Variants in EPB41L4A observed in about 807,000 individuals in gnomAD.
The protein encoded by EPB41L4A is band 4.1-like protein 4A.
Under a neutral mutation model 108.6 loss-of-function variants are expected in EPB41L4A, and 100 were observed. The observed-to-expected ratio is 0.92, with a 90% confidence interval of 0.78 to 1.09. The LOEUF is 1.09. Ranked by LOEUF, EPB41L4A falls within the 50% of genes least tolerant of loss-of-function variation. The pLI, the probability that EPB41L4A is intolerant of heterozygous loss-of-function variation, is 0.00. For synonymous variants in EPB41L4A, 319 were observed against 289.0 expected (o/e 1.10, Z -1.05); for missense variants, 1,030 against 842.7 (o/e 1.22, Z -2.75).
chr5:112,257,244 G>C (rs964261574), intron 9 of EPB41L4A: 1 of 152,102 alleles, frequency 6.6e-6, no homozygotes, highest in African/African-American at 2.4e-5. Context: ...GAATACTTAG[G>C]AAACAGAATG....
intron 1 of EPB41L4A, among the ~76,000 whole-genome samples, chr5:112,340,433 C>T (rs1052906112): frequency 2.0e-5 from 3 of 152,168 alleles, no homozygotes; most frequent in East Asian, 3.8e-4. Flanking sequence ...TTTTGGGAAC[C>T]ACTGCTGTAG....
chr5:112,395,025 G>C (rs976352205), intron 1 of EPB41L4A, among the ~76,000 whole-genome samples: 18 of 152,308 alleles, frequency 1.2e-4, no homozygotes, highest in African/African-American at 2.9e-4. Flanking sequence ...ATGGTGCTGG[G>C]AAAACTGGCT....
At chr5:112,314,430 C>T (rs765348149) in intron 1 of EPB41L4A, among the ~76,000 whole-genome samples, 8 of 134,824 alleles carry the variant, frequency 5.9e-5, no homozygotes, top group South Asian at 2.4e-4. Context: ...CAATTTGGGA[C>T]GTCGAGGCGG....
chr5:112,143,783 A>G (rs1446930907), exon 14 of EPB41L4A: 2 of 433,756 alleles, frequency 4.6e-6, no homozygotes, highest in Admixed American at 5.0e-5. Context: ...TCACGTGTTA[A>G]TACCTGAACC....
In EPB41L4A at chr5:112,307,369, A is replaced by C; in HGVS notation, c.204+17T>G. On this transcript the variant is annotated intron_variant, in intron 2 of 22. Transcript: ENST00000261486. Reference sequence around the variant, plus strand: ...ATTTATAACCAGAAAAATTTAACACAAAGTCACCTTACTCACCGTCTGATG... The same window carrying C: ...ATTTATAACCAGAAAAATTTAACACCAAGTCACCTTACTCACCGTCTGATG... 2 of 1,551,952 alleles carry C rather than the reference A, an allele frequency of 1.3e-6. No homozygotes were observed. The highest frequency in any genetic ancestry group is 1.8e-6 in the Non-Finnish European group (2 of 1,125,560).
chr5:112,270,239 G>T (rs1267867649), intron 4 of EPB41L4A, among the ~76,000 whole-genome samples: 2 of 152,158 alleles, frequency 1.3e-5, no homozygotes, highest in African/African-American at 4.8e-5. Flanking sequence ...TTAAGACCCT[G>T]CTGAGAAAAC....
intron 12 of EPB41L4A, among the ~76,000 whole-genome samples, chr5:112,213,631 G>C (rs540439297): frequency 1.8e-4 from 27 of 152,292 alleles, no homozygotes; most frequent in Admixed American, 6.5e-4. Flanking sequence ...TGGGATAACA[G>C]GCATGAGCCA....
intron 12 of EPB41L4A, among the ~76,000 whole-genome samples, chr5:112,212,315 CAG>C (rs1747228690): frequency 2.0e-5 from 3 of 147,388 alleles, no homozygotes; most frequent in Non-Finnish European, 4.5e-5. Flanking sequence ...TCTCCTGAGA[CAG>C]AGTCTTGCTT....
At chr5:112,334,260 A>G (rs821731) in intron 1 of EPB41L4A, among the ~76,000 whole-genome samples, 2,842 of 152,244 alleles carry the variant, frequency 0.019, 95 homozygotes, top group African/African-American at 0.064. Context: ...AAATCAAAGT[A>G]TTTTACCCCA....
rs543523025 is a variant in EPB41L4A, at chr5:112,147,590, A to T, written n.995-1592T>A. ...GAGGCAAAGGCTGCAGTAAGCCAAG[A>T]CTGCACCACTGCACTCCAGCCTGGG... On this transcript the variant is annotated intron_variant and non_coding_transcript_variant, in intron 12 of 13. Transcript: ENST00000507810. Among the ~76,000 whole-genome samples the T allele has an allele frequency of 3.3e-5, 5 of 151,646 alleles. No individual in the cohort carries two copies. In the East Asian group the frequency reaches 9.7e-4, roughly 29 times the overall value.
At chr5:112,228,414 C>T (rs991941420) in intron 12 of EPB41L4A, 1 of 152,248 alleles carries the variant, frequency 6.6e-6, no homozygotes, top group African/African-American at 2.4e-5. Context: ...ATTTTCACAA[C>T]CCCTTATGCA....
At chr5:112,219,864 T>A (rs1224462519) in intron 12 of EPB41L4A, among the ~76,000 whole-genome samples, 1 of 152,010 alleles carries the variant, frequency 6.6e-6, no homozygotes, top group Admixed American at 6.6e-5. Flanking sequence ...CCCAGCTAAT[T>A]TTTGTATTTT....
intron 9 of EPB41L4A, among the ~76,000 whole-genome samples, chr5:112,245,064 TA>T (rs775174099): frequency 1.5e-5 from 2 of 131,778 alleles, no homozygotes; most frequent in East Asian, 2.3e-4. Flanking sequence ...CTTCAATTTG[TA>T]AAAAAAACAC....
chr5:112,403,355 G>T (rs201422996), intron 1 of EPB41L4A, among the ~76,000 whole-genome samples: 1 of 144,844 alleles, frequency 6.9e-6, no homozygotes, highest in Admixed American at 6.8e-5. Context: ...AAAAAAAAAG[G>T]CAAGTCAGAG....
intron 2 of EPB41L4A, among the ~76,000 whole-genome samples, chr5:112,291,603 C>T (rs764568318): frequency 6.6e-6 from 1 of 152,288 alleles, no homozygotes; most frequent in South Asian, 2.1e-4. Flanking sequence ...GGTCTTAAGA[C>T]CTTTCCCTGT....
chr5:112,185,515 A>G (rs1417724446), intron 17 of EPB41L4A, among the ~76,000 whole-genome samples: 1 of 152,260 alleles, frequency 6.6e-6, no homozygotes, highest in African/African-American at 2.4e-5. Flanking sequence ...TCTAGATTAA[A>G]GAAGAATTGT....
At chr5:112,170,107 G>C in intron 20 of EPB41L4A, 194 bp downstream of exon 20, 1 of 570,088 alleles carries the variant, frequency 1.8e-6, no homozygotes, top group Non-Finnish European at 3.0e-6. Context: ...TGGCTAATAA[G>C]AGATGATAGT....
intron 1 of EPB41L4A, among the ~76,000 whole-genome samples, chr5:112,309,705 A>T (rs943960534): frequency 2.0e-5 from 3 of 152,176 alleles, no homozygotes; most frequent in Non-Finnish European, 4.4e-5. Context: ...TGACGTTAAG[A>T]TAGGGAGATC....
At chr5:112,223,260 T>G (rs1748200559) in intron 12 of EPB41L4A, among the ~76,000 whole-genome samples, 1 of 151,980 alleles carries the variant, frequency 6.6e-6, no homozygotes, top group Non-Finnish European at 1.5e-5. Flanking sequence ...TCTTTCTTCT[T>G]TACCTCACCT....
Sources: allele counts gnomAD v4.1 joint callset (sites outside exome capture counted in the v4.1 genomes callset), GRCh38; gene constraint gnomAD v4.1.1; transcripts MANE v1.5; gene names NCBI Gene and HGNC (gene_info 2026-07-23, HGNC 2026-07-21).